The following CCDC85C variants were observed in gnomAD, a reference collection of about 807,000 sequenced individuals.
CCDC85C encodes coiled-coil domain containing 85C.
CCDC85C carries 18 observed loss-of-function variants against 38.3 expected under a neutral mutation model. The observed-to-expected ratio is 0.47, with a 90% confidence interval of 0.33 to 0.70. CCDC85C has a LOEUF of 0.70. Among genes scored for constraint, CCDC85C ranks in the 30% least tolerant of loss-of-function variants. The probability of loss-of-function intolerance (pLI) is 0.03; values close to 1 mark genes in which losing one functional copy is unlikely to be tolerated. For synonymous variants in CCDC85C, 264 were observed against 293.8 expected (o/e 0.90, Z 1.04); for missense variants, 566 against 621.2 (o/e 0.91, Z 0.94).
rs926170212 is a variant in CCDC85C, at chr14:99,504,537, G to A, written c.*10709C>T. 6.0e-5 allele frequency: 9 copies of A among 149,558 alleles called. No homozygotes were observed. The highest frequency in any genetic ancestry group is 1.3e-4 in the Non-Finnish European group (9 of 67,800). 9.3% of individuals were successfully genotyped at this position (149,558 alleles called of 1,614,324 possible). A position where few individuals can be genotyped will look rare whatever the true frequency, so the allele number is the denominator to read the frequency against. On this transcript the variant is annotated 3_prime_UTR_variant, in exon 6 of 6. Transcript: ENST00000380243. ...GCAATCTTAACTCACCACAACCTCC[G>A]CCTCCTGGGTTCAAGCAATTCTCCT...
At chr14:99,574,361 G>A (rs1233628042) in intron 1 of CCDC85C, among the ~76,000 whole-genome samples, 1 of 152,022 alleles carries the variant, frequency 6.6e-6, no homozygotes, top group Non-Finnish European at 1.5e-5. Context: ...GGAAGACACT[G>A]AGCCACTCTC....
Position 99,501,648 on chromosome 14 carries a change from CTG to C in CCDC85C, c.*13596_*13597del. 1 of 518,990 alleles carries C rather than the reference CTG, an allele frequency of 1.9e-6. No individual in the cohort carries two copies. The highest frequency in any genetic ancestry group is 3.4e-6 in the Non-Finnish European group (1 of 295,690). The allele number at this position is 518,990 out of a possible 1,614,324, so 32.1% of individuals were successfully genotyped here. ...GAGGTGCTGAAATTTTATCACCAGT[CTG>C]AAACATAAGTCCAAAACAATACACT... On this transcript the variant is annotated 3_prime_UTR_variant, in exon 6 of 6. Transcript: ENST00000380243.
intron 1 of CCDC85C, among the ~76,000 whole-genome samples, chr14:99,574,283 C>T (rs1002937284): frequency 6.0e-5 from 9 of 149,178 alleles, no homozygotes; most frequent in Non-Finnish European, 1.3e-4. Flanking sequence ...GTGAACATTG[C>T]TCCAGGGATT....
rs1454458195 is a variant in CCDC85C, at chr14:99,508,042, C to G, written c.*7204G>C. 6.6e-6 allele frequency: 1 copy of G among 152,262 alleles called. No individual in the cohort carries two copies. Among genetic ancestry groups the G allele is most frequent in the East Asian group, 1.9e-4 (1 of 5,188 alleles). The allele number at this position is 152,262 out of a possible 1,614,324, so 9.4% of individuals were successfully genotyped here. On this transcript the variant is annotated 3_prime_UTR_variant, in exon 6 of 6. Transcript: ENST00000380243. ...GAGGCTTCCAAGCCTCTGTCAGCAG[C>G]TCCTCCAGCCTGCTACACTCACTGT... is the stretch of plus-strand genomic sequence containing the variant.
chr14:99,569,367 C>T lies in CCDC85C; in HGVS notation c.794-33279G>A, dbSNP rs777118798. On this transcript the variant is annotated intron_variant, in intron 1 of 5. Transcript: ENST00000380243. The surrounding 1 kb of genome is among the most constrained non-coding windows in gnomAD (Gnocchi z 4.3). Reference sequence around the variant, plus strand: ...CTGGGCCAGTGGGGTGTGTGCTCGGCTCCACCAGACAGTATTCCAAAGGGT... The same window carrying T: ...CTGGGCCAGTGGGGTGTGTGCTCGGTTCCACCAGACAGTATTCCAAAGGGT... Among the ~76,000 whole-genome samples the T allele has an allele frequency of 2.6e-5, 4 of 152,180 alleles. No homozygotes were observed. Among genetic ancestry groups the T allele is most frequent in the Non-Finnish European group, 5.9e-5 (4 of 68,032 alleles).
At position 99,508,996 on chromosome 14, in the gene CCDC85C, C is replaced by G. The variant is rs553803592; in HGVS notation, c.*6250G>C. The G allele has an allele frequency of 5.0e-4, 76 of 152,382 alleles. No homozygotes were observed. Among genetic ancestry groups the G allele is most frequent in the African/African-American group, 1.8e-3 (73 of 41,584 alleles). The allele number at this position is 152,382 out of a possible 1,614,324, so 9.4% of individuals were successfully genotyped here. ...TCTAAGGCCAGGCACATATGACCTT[C>G]CTACCCGGTAGGCTGGCGGGGTGCT... On this transcript the variant is annotated 3_prime_UTR_variant, in exon 6 of 6. Transcript: ENST00000380243.
intron 1 of CCDC85C, among the ~76,000 whole-genome samples, chr14:99,597,049 C>T (rs2055150528): frequency 6.6e-6 from 1 of 152,154 alleles, no homozygotes; most frequent in South Asian, 2.1e-4. Flanking sequence ...AGGTCTGGAA[C>T]CTACAGAAGG....
chr14:99,594,764 CT>C (rs57542236), intron 1 of CCDC85C, among the ~76,000 whole-genome samples: 12,618 of 152,178 alleles, frequency 0.083, 1,038 homozygotes, highest in African/African-American at 0.2. Flanking sequence ...GAGGCACAGA[CT>C]TACACATGGT....
intron 3 of CCDC85C, among the ~76,000 whole-genome samples, chr14:99,519,257 A>G (rs1897271920): frequency 6.7e-6 from 1 of 149,004 alleles, no homozygotes; most frequent in Non-Finnish European, 1.5e-5. Flanking sequence ...TTGGAACTAC[A>G]GATGCACACC....
Position 99,515,303 on chromosome 14 carries a change from G to A in CCDC85C, c.1203C>T (p.Ser401=). 1 of 1,550,860 alleles carries A rather than the reference G, an allele frequency of 6.4e-7. No individual in the cohort carries two copies. Among genetic ancestry groups the A allele is most frequent in the Non-Finnish European group, 8.7e-7 (1 of 1,146,836 alleles). ...GGTGCTGCCGTATGGAGGGCTTGGA[G>A]CTGGCTGCATCTCCCAGCTTTCTCC... ...VVWRKLGDAA[S]SKPSIRQHLS... is the part of the protein sequence containing the mutation. Residue 401 remains serine, a synonymous_variant, in exon 6 of 6, where the codon AGC becomes AGT. Coordinates refer to ENST00000380243, the MANE Select transcript of CCDC85C (RefSeq NM_001144995.2).
rs766288269 is a variant in CCDC85C, at chr14:99,501,446, A to AT, written c.*13799dup. The stretch of plus-strand genomic sequence containing the variant: ...TGTTCAAATGTTGATTAATTACAGT[A>AT]TTTTAAAATAGGCAGAGACTTTATG... On this transcript the variant is annotated 3_prime_UTR_variant, in exon 6 of 6. Transcript: ENST00000380243. 50 of 1,366,596 alleles carry AT rather than the reference A, an allele frequency of 3.7e-5. No homozygotes were observed. Among genetic ancestry groups the AT allele is most frequent in the Non-Finnish European group, 5.1e-5 (49 of 958,324 alleles). The allele number at this position is 1,366,596 out of a possible 1,614,324, so 84.7% of individuals were successfully genotyped here. A position where few individuals can be genotyped will look rare whatever the true frequency, so the allele number is the denominator to read the frequency against.
intron 1 of CCDC85C, among the ~76,000 whole-genome samples, chr14:99,587,060 C>A (rs1441477773): frequency 6.6e-6 from 1 of 152,228 alleles, no homozygotes; most frequent in Non-Finnish European, 1.5e-5. Context: ...CCCCTCAAGG[C>A]CCATCCCACC....
chr14:99,507,085 C>G lies in CCDC85C; in HGVS notation c.*8161G>C. ...TGCTTTTTCTTTGTAGAACCACCAC[C>G]ACCTAAAATCCCCAAAATTGAGACC... On this transcript the variant is annotated 3_prime_UTR_variant, in exon 6 of 6. Transcript: ENST00000380243. The G allele has an allele frequency of 6.2e-7, 1 of 1,606,262 alleles. No individual in the cohort carries two copies. The highest frequency in any genetic ancestry group is 8.5e-7 in the Non-Finnish European group (1 of 1,172,942).
Position 99,506,326 on chromosome 14 carries a change from T to A in CCDC85C, c.*8920A>T, listed in dbSNP as rs1020142319. The A allele has an allele frequency of 6.6e-6, 1 of 152,080 alleles. No homozygotes were observed. 9.4% of individuals were successfully genotyped at this position (152,080 alleles called of 1,614,324 possible). A position where few individuals can be genotyped will look rare whatever the true frequency, so the allele number is the denominator to read the frequency against. On this transcript the variant is annotated 3_prime_UTR_variant, in exon 6 of 6. Transcript: ENST00000380243. ...AAGCCTCAGCATGCAAACAGAAAAA[T>A]AGGGTTCTTTTTCAGTTGTGATGTG...
At chr14:99,515,818 C>T (rs765765428) in intron 5 of CCDC85C, among the ~76,000 whole-genome samples, 4 of 152,058 alleles carry the variant, frequency 2.6e-5, no homozygotes, top group Non-Finnish European at 5.9e-5. Context: ...TCTGCCCAGC[C>T]AGCAGCCACA....
intron 1 of CCDC85C, among the ~76,000 whole-genome samples, chr14:99,551,279 C>T (rs1897901589): frequency 6.6e-6 from 1 of 152,200 alleles, no homozygotes; most frequent in Non-Finnish European, 1.5e-5. Context: ...GTATGCGCAT[C>T]CTGCCAGAGG....
chr14:99,524,665 C>A (rs569153102), intron 2 of CCDC85C, among the ~76,000 whole-genome samples: 1 of 152,316 alleles, frequency 6.6e-6, no homozygotes, highest in African/African-American at 2.4e-5. Flanking sequence ...CACTTAAATC[C>A]AAATTAAAAA....
intron 1 of CCDC85C, among the ~76,000 whole-genome samples, chr14:99,543,907 A>G (rs1897759111): frequency 6.6e-6 from 1 of 152,246 alleles, no homozygotes; most frequent in Admixed American, 6.5e-5. Context: ...CAGTGCCCAC[A>G]GCCCACAAAT....
chr14:99,557,914 CA>C (rs1898042842), intron 1 of CCDC85C, among the ~76,000 whole-genome samples: 1 of 114,760 alleles, frequency 8.7e-6, no homozygotes, highest in Non-Finnish European at 1.9e-5. Context: ...GACTCTGCCT[CA>C]AAAAAATAAA....
Sources: gnomAD v4.1 joint callset for allele counts (sites outside exome capture counted in the v4.1 genomes callset) on GRCh38, gnomAD v4.1.1 for gene constraint, Gnocchi (gnomAD v3.1) non-coding constraint, MANE v1.5 for transcripts, NCBI Gene and HGNC (gene_info 2026-07-23, HGNC 2026-07-21) for gene names.